The following OTUD7B variants were observed in gnomAD, a reference collection of about 807,000 sequenced individuals.
The protein encoded by OTUD7B is OTU deubiquitinase 7B, also known as OTU domain-containing protein 7B.
A neutral mutation model predicts 82.2 loss-of-function variants in OTUD7B; 34 were observed. The ratio of observed to expected loss-of-function variants is 0.41; its 90% CI spans 0.31 to 0.55. The LOEUF is 0.55. Among genes scored for constraint, OTUD7B ranks in the 20% least tolerant of loss-of-function variants. The probability of loss-of-function intolerance (pLI) is 0.20; values close to 1 mark genes in which losing one functional copy is unlikely to be tolerated. For synonymous variants in OTUD7B, 398 were observed against 402.7 expected, an observed-to-expected ratio of 0.99 and a Z score of 0.14; for missense variants, 944 against 1,062.1, an observed-to-expected ratio of 0.89 and a Z score of 1.55.
intron 2 of OTUD7B, among the ~76,000 whole-genome samples, chr1:149,971,830 T>C (rs1553777729): frequency 6.6e-6 from 1 of 152,198 alleles, no homozygotes; most frequent in African/African-American, 2.4e-5. Context: ...ATGATAAGAT[T>C]TGTCATAATG....
chr1:150,054,979 C>G, the OTUD7B span: 107 of 327,902 alleles, frequency 3.3e-4, no homozygotes, highest in Non-Finnish European at 2.4e-5. Flanking sequence ...CCAGGGCTAC[C>G]TCTGATCTGT....
Position 149,977,570 on chromosome 1 carries a change from C to T in OTUD7B, c.-60G>A. 8.3e-7 allele frequency: 1 copy of T among 1,204,264 alleles called. No homozygotes were observed. Among genetic ancestry groups the T allele is most frequent in the South Asian group, 1.2e-5 (1 of 82,564 alleles). The allele number at this position is 1,204,264 out of a possible 1,614,324, so 74.6% of individuals were successfully genotyped here. On this transcript the variant is annotated 5_prime_UTR_variant, in exon 2 of 12. Coordinates refer to ENST00000581312, the MANE Select transcript of OTUD7B (RefSeq NM_020205.4). ...GGTAGAACATAGATCAAAATTCAGGCCTCCACCTGAGGAATAAATAAATAC... is the reference window on the plus strand; with the variant it reads ...GGTAGAACATAGATCAAAATTCAGGTCTCCACCTGAGGAATAAATAAATAC...
chr1:150,022,334 G>A, the OTUD7B span, among the ~76,000 whole-genome samples: 1 of 149,062 alleles, frequency 6.7e-6, no homozygotes, highest in African/African-American at 2.5e-5. Flanking sequence ...GGAGGCAGAG[G>A]TTGTGGTGAG....
chr1:150,004,432 C>T (rs587599300), intron 1 of OTUD7B, among the ~76,000 whole-genome samples: 35 of 151,798 alleles, frequency 2.3e-4, no homozygotes, highest in African/African-American at 7.2e-4. Context: ...TGCTGGTGCA[C>T]GCCTGTAATC....
chr1:149,990,367 A>G (rs1320029088), intron 1 of OTUD7B, among the ~76,000 whole-genome samples: 2 of 152,270 alleles, frequency 1.3e-5, no homozygotes, highest in Admixed American at 6.5e-5. Flanking sequence ...CACATTGCTT[A>G]GCACATAGTA....
chr1:149,992,569 G>A (rs942013724), intron 1 of OTUD7B, among the ~76,000 whole-genome samples: 33 of 137,248 alleles, frequency 2.4e-4, no homozygotes, highest in African/African-American at 7.6e-4. Context: ...TCGGCCTCCC[G>A]GGTTCAAGTG....
the OTUD7B span, among the ~76,000 whole-genome samples, chr1:150,019,207 T>C: frequency 6.6e-6 from 1 of 152,180 alleles, no homozygotes; most frequent in Non-Finnish European, 1.5e-5. Flanking sequence ...ATCCCCTAGC[T>C]CATTACCTCT....
the OTUD7B span, among the ~76,000 whole-genome samples, chr1:150,059,558 G>C: frequency 6.6e-6 from 1 of 151,686 alleles, no homozygotes; most frequent in Non-Finnish European, 1.5e-5. Context: ...TAGTAGAGAC[G>C]GGGTTTTTCC....
At chr1:149,970,131 A>G (rs1553777333) in intron 3 of OTUD7B, among the ~76,000 whole-genome samples, 2 of 151,566 alleles carry the variant, frequency 1.3e-5, no homozygotes, top group Non-Finnish European at 2.9e-5. Flanking sequence ...TTACTAATGG[A>G]CATTAAATGT....
intron 9 of OTUD7B, among the ~76,000 whole-genome samples, 188 bp from the exon 10 acceptor site, chr1:149,949,271 G>T (rs1165179962): frequency 6.6e-6 from 1 of 152,074 alleles, no homozygotes; most frequent in Non-Finnish European, 1.5e-5. Flanking sequence ...TATGTTTTAG[G>T]CCACAAATCT....
At chr1:150,004,281 C>G (rs374478091) in intron 1 of OTUD7B, among the ~76,000 whole-genome samples, 3 of 152,134 alleles carry the variant, frequency 2.0e-5, no homozygotes, top group East Asian at 1.9e-4. Context: ...TAAAGTTGAC[C>G]GGGCACGGTG....
intron 1 of OTUD7B, among the ~76,000 whole-genome samples, chr1:150,005,063 C>A (rs1652576916): frequency 6.6e-6 from 1 of 152,050 alleles, no homozygotes; most frequent in Non-Finnish European, 1.5e-5. Flanking sequence ...AGTTATAATT[C>A]CTCTGTGACA....
At chr1:150,012,307 A>G (rs1156411727), upstream of OTUD7B, among the ~76,000 whole-genome samples, 1 of 152,184 alleles carries the variant, frequency 6.6e-6, no homozygotes, top group Non-Finnish European at 1.5e-5. Flanking sequence ...GGAGCTGAAA[A>G]GGGTGTCGTT....
the OTUD7B span, chr1:150,067,643 C>T: frequency 5.5e-6 from 3 of 541,762 alleles, no homozygotes; most frequent in South Asian, 7.7e-5. Context: ...GGCAGCGGCC[C>T]AGGCCGTCTC....
At chr1:150,038,977 C>A in the OTUD7B span, among the ~76,000 whole-genome samples, 5 of 151,986 alleles carry the variant, frequency 3.3e-5, no homozygotes, top group African/African-American at 1.2e-4. Context: ...CCATTTCTTC[C>A]CCACTGATTT....
At chr1:149,982,771 C>T (rs1399167497) in intron 1 of OTUD7B, among the ~76,000 whole-genome samples, 2 of 151,510 alleles carry the variant, frequency 1.3e-5, no homozygotes, top group African/African-American at 2.4e-5. Context: ...AACCATTCCA[C>T]CTCTAAATCT....
chr1:149,984,463 TC>T (rs1650999277), intron 1 of OTUD7B, among the ~76,000 whole-genome samples: 1 of 152,186 alleles, frequency 6.6e-6, no homozygotes, highest in Non-Finnish European at 1.5e-5. Flanking sequence ...TGACCACTCT[TC>T]CTGCTTCTCT....
At chr1:149,976,821 T>G (rs2101857144) in intron 2 of OTUD7B, among the ~76,000 whole-genome samples, 1 of 151,986 alleles carries the variant, frequency 6.6e-6, no homozygotes, top group Admixed American at 6.6e-5. Flanking sequence ...GTCTTACAGA[T>G]CTAAAATTAT....
chr1:149,952,319 G>A (rs782351124), intron 7 of OTUD7B, among the ~76,000 whole-genome samples: 11 of 151,400 alleles, frequency 7.3e-5, no homozygotes, highest in South Asian at 2.1e-4. Flanking sequence ...TTGTCCTTGC[G>A]ATAGTTTGCT....
Sources: gnomAD v4.1 joint callset for allele counts (sites outside exome capture counted in the v4.1 genomes callset) on GRCh38, gnomAD v4.1.1 for gene constraint, MANE v1.5 for transcripts, NCBI Gene and HGNC (gene_info 2026-07-23, HGNC 2026-07-21) for gene names.